Variants in IGSF11 observed in about 807,000 individuals in gnomAD.
IGSF11 encodes CXADR like 1.
IGSF11 carries 22 observed loss-of-function variants against 41.0 expected under a neutral mutation model. The ratio of observed to expected loss-of-function variants is 0.54; its 90% CI spans 0.38 to 0.77. The LOEUF (loss-of-function observed/expected upper bound fraction) is 0.77, where lower values mean the gene tolerates loss of function less well. IGSF11 is among the 30% of genes least tolerant of loss of function. The probability of loss-of-function intolerance (pLI) is 0.00; values close to 1 mark genes in which losing one functional copy is unlikely to be tolerated. For synonymous variants in IGSF11, 219 were observed against 201.3 expected (o/e 1.09, Z -0.74); for missense variants, 444 against 530.8 (o/e 0.84, Z 1.61).
chr3:119,132,708 A>C (rs1462034361), intron 1 of IGSF11, among the ~76,000 whole-genome samples: 3 of 152,326 alleles, frequency 2.0e-5, no homozygotes, highest in Admixed American at 6.5e-5. Flanking sequence ...TCAGCTCTAC[A>C]CCAAGCAGAC....
intron 1 of IGSF11, among the ~76,000 whole-genome samples, chr3:119,084,466 AT>A (rs2076637754): frequency 6.6e-6 from 1 of 152,174 alleles, no homozygotes; most frequent in African/African-American, 2.4e-5. Flanking sequence ...TTCCCCAGAG[AT>A]TAGACAGAAA....
intron 1 of IGSF11, among the ~76,000 whole-genome samples, chr3:118,941,150 A>C (rs1254271522): frequency 1.3e-5 from 2 of 152,194 alleles, no homozygotes; most frequent in Admixed American, 1.3e-4. Context: ...AACAATAATA[A>C]AACAAGGTAA....
At chr3:118,962,507 C>G (rs768742357) in intron 1 of IGSF11, among the ~76,000 whole-genome samples, 2 of 151,956 alleles carry the variant, frequency 1.3e-5, no homozygotes, top group South Asian at 2.1e-4. Flanking sequence ...CTGGTGGGAC[C>G]ATTTAATAAA....
intron 1 of IGSF11, among the ~76,000 whole-genome samples, chr3:119,032,521 C>T (rs1043966700): frequency 1.3e-5 from 2 of 152,130 alleles, no homozygotes; most frequent in African/African-American, 4.8e-5. Flanking sequence ...TACTATCTTG[C>T]CCCCAACTAC....
At chr3:119,010,637 A>T (rs1938007077) in intron 1 of IGSF11, among the ~76,000 whole-genome samples, 1 of 152,168 alleles carries the variant, frequency 6.6e-6, no homozygotes, top group South Asian at 2.1e-4. Context: ...TCAATCCTCC[A>T]GGCCCACTGG....
intron 1 of IGSF11, among the ~76,000 whole-genome samples, chr3:119,027,054 T>C (rs1047364079): frequency 5.3e-5 from 8 of 152,206 alleles, no homozygotes; most frequent in Admixed American, 1.3e-4. Flanking sequence ...AGTGGTCATA[T>C]TGATAAACAT....
intron 1 of IGSF11, among the ~76,000 whole-genome samples, chr3:119,055,087 G>A (rs1222070065): frequency 6.6e-6 from 1 of 152,186 alleles, no homozygotes; most frequent in Admixed American, 6.5e-5. Flanking sequence ...TGGACCTCCA[G>A]CAAAATCCAA....
At position 118,902,466 on chromosome 3, in the gene IGSF11, C is replaced by CCCAGG; in HGVS notation, c.*53_*54insCCTGG. ...CAGCACTCCCCACCCCACCCTCCCC[C>CCCAGG]TTGTATGAGGGCATTCCATTTATTC... On this transcript the variant is annotated 3_prime_UTR_variant, in exon 7 of 7. Transcript: ENST00000393775. 1.1e-6 allele frequency: 1 copy of CCCAGG among 878,270 alleles called. No individual in the cohort carries two copies. The highest frequency in any genetic ancestry group is 1.8e-6 in the Non-Finnish European group (1 of 544,884). 54.4% of individuals were successfully genotyped at this position (878,270 alleles called of 1,614,324 possible). A position where few individuals can be genotyped will look rare whatever the true frequency, so the allele number is the denominator to read the frequency against.
intron 1 of IGSF11, among the ~76,000 whole-genome samples, chr3:119,003,678 G>C (rs1004536444): frequency 6.6e-6 from 1 of 151,860 alleles, no homozygotes; most frequent in Non-Finnish European, 1.5e-5. Flanking sequence ...ATGAAGGGTT[G>C]TTGAATTTTG....
chr3:118,916,550 G>A (rs1261499563), intron 4 of IGSF11, among the ~76,000 whole-genome samples: 1 of 151,250 alleles, frequency 6.6e-6, no homozygotes, highest in Non-Finnish European at 1.5e-5. Flanking sequence ...TCAACAAGAG[G>A]AGCTAACTAT....
chr3:118,927,227 A>G (rs992842316), intron 3 of IGSF11, among the ~76,000 whole-genome samples: 3 of 152,170 alleles, frequency 2.0e-5, no homozygotes, highest in South Asian at 4.1e-4. Context: ...TGATGCCAGG[A>G]AGAGAAACCC....
At chr3:119,046,618 C>T (rs1426869847) in intron 1 of IGSF11, among the ~76,000 whole-genome samples, 13 of 151,902 alleles carry the variant, frequency 8.6e-5, no homozygotes, top group Non-Finnish European at 1.3e-4. Context: ...GGCAGGCCAA[C>T]ATTCAGATTC....
chr3:119,128,504 G>A (rs1217029974), intron 1 of IGSF11, among the ~76,000 whole-genome samples: 1 of 152,116 alleles, frequency 6.6e-6, no homozygotes, highest in African/African-American at 2.4e-5. Context: ...TTCAGGAGAA[G>A]CATCTTATGT....
chr3:118,976,434 C>A (rs1934111371), intron 1 of IGSF11, among the ~76,000 whole-genome samples: 1 of 152,178 alleles, frequency 6.6e-6, no homozygotes, highest in Admixed American at 6.5e-5. Context: ...GAAGGCATGA[C>A]CCCAAAACCA....
At chr3:118,912,027 A>G (rs185190344) in intron 4 of IGSF11, among the ~76,000 whole-genome samples, 208 of 152,358 alleles carry the variant, frequency 1.4e-3, no homozygotes, top group African/African-American at 3.9e-3. Flanking sequence ...ACAAACCATG[A>G]AAGAAAAACG....
intron 1 of IGSF11, among the ~76,000 whole-genome samples, chr3:119,116,670 A>C (rs932822788): frequency 4.6e-5 from 7 of 152,224 alleles, no homozygotes; most frequent in Non-Finnish European, 7.3e-5. Flanking sequence ...ATCAGGCTAA[A>C]GGGAGGAGAG....
chr3:119,025,620 A>AT (rs1939742707), intron 1 of IGSF11, among the ~76,000 whole-genome samples: 4 of 152,116 alleles, frequency 2.6e-5, no homozygotes, highest in Non-Finnish European at 4.4e-5. Context: ...AGAAATGATG[A>AT]GTCATAATTT....
upstream of IGSF11, among the ~76,000 whole-genome samples, chr3:119,106,876 T>A (rs1337664464): frequency 1.3e-5 from 2 of 152,200 alleles, no homozygotes; most frequent in Non-Finnish European, 2.9e-5. Flanking sequence ...CTGAGAATGA[T>A]GATTTCCAAT....
intron 1 of IGSF11, among the ~76,000 whole-genome samples, chr3:119,116,731 T>C (rs756300276): frequency 2.0e-5 from 3 of 152,212 alleles, no homozygotes; most frequent in African/African-American, 4.8e-5. Context: ...TTATAAGATA[T>C]GCAAATTCAC....
Sources: gnomAD v4.1 joint callset for allele counts (sites outside exome capture counted in the v4.1 genomes callset) on GRCh38, gnomAD v4.1.1 for gene constraint, MANE v1.5 for transcripts, NCBI Gene and HGNC (gene_info 2026-07-23, HGNC 2026-07-21) for gene names.